The following CHFR variants were observed in gnomAD, a reference collection of about 807,000 sequenced individuals.
The protein encoded by CHFR is checkpoint with forkhead and ring finger domains.
Under a neutral mutation model 87.6 loss-of-function variants are expected in CHFR, and 57 were observed. The observed-to-expected ratio is 0.65, with a 90% CI of 0.53 to 0.81. The LOEUF is 0.81. Ranked by LOEUF, CHFR falls within the 30% of genes least tolerant of loss-of-function variation. CHFR has a pLI of 0.00. For synonymous variants in CHFR, 381 were observed against 359.2 expected, an observed-to-expected ratio of 1.06 and a Z score of -0.69; for missense variants, 797 against 865.8, an observed-to-expected ratio of 0.92 and a Z score of 1.00.
Position 132,887,595 on chromosome 12 carries a change from A to G in CHFR, c.-61T>C, listed in dbSNP as rs1468914426. ...ACCGGCTGCGCCGCCGCCGCTGTCA[A>G]GAGACATTGCGGCTCCCTCAGCTGA... On this transcript the variant is annotated 5_prime_UTR_variant, in exon 1 of 18. Coordinates refer to ENST00000450056, the MANE Select transcript of CHFR (RefSeq NM_001161346.2). The G allele has an allele frequency of 3.3e-5, 5 of 152,870 alleles. No individual in the cohort carries two copies. Among genetic ancestry groups the G allele is most frequent in the African/African-American group, 9.7e-5 (4 of 41,426 alleles). 9.5% of individuals were successfully genotyped at this position (152,870 alleles called of 1,614,324 possible).
intron 12 of CHFR, among the ~76,000 whole-genome samples, chr12:132,850,860 A>T (rs950178373): frequency 4.6e-5 from 7 of 151,718 alleles, no homozygotes; most frequent in South Asian, 2.1e-4. Context: ...AGGAAGTCAT[A>T]AAAAAAAGGC....
chr12:132,880,146 T>C (rs1301919920), intron 2 of CHFR, among the ~76,000 whole-genome samples: 2 of 152,202 alleles, frequency 1.3e-5, no homozygotes, highest in East Asian at 3.8e-4. Flanking sequence ...CTCATATTAC[T>C]TAACTGACTT....
intron 6 of CHFR, chr12:132,867,289 G>T (rs7304156): frequency 0.83 from 126,719 of 152,162 alleles, 55,121 homozygotes; most frequent in Non-Finnish European, 0.98. Context: ...ACCCGATGCC[G>T]CTCCTTCCCC....
At chr12:132,856,763 G>C in intron 9 of CHFR, 133 bp from the exon 10 acceptor site, 2 of 1,013,630 alleles carry the variant, frequency 2.0e-6, no homozygotes, top group Non-Finnish European at 3.1e-6. Context: ...CACGTGCCCG[G>C]GTGCTGGTGG....
Position 132,862,681 on chromosome 12 carries a change from G to A in CHFR, c.584-1047C>T, listed in dbSNP as rs531499703. On this transcript the variant is annotated intron_variant, in intron 6 of 17. Coordinates refer to ENST00000450056, the MANE Select transcript of CHFR (RefSeq NM_001161346.2). ...TGCAAGCTCCGCCTCCTGGGTTGAC[G>A]CCATTCTCCTGCCTCAGCCTCCCAA... Among the ~76,000 whole-genome samples the A allele has an allele frequency of 3.3e-5, 5 of 151,904 alleles. No individual in the cohort carries two copies. The South Asian group carries it at 6.2e-4, about 19-fold the overall frequency.
At chr12:132,857,065 GGGACCA>G in intron 9 of CHFR, among the ~76,000 whole-genome samples, 3 of 123,998 alleles carry the variant, frequency 2.4e-5, no homozygotes, top group African/African-American at 9.6e-5. Context: ...TGCTGGTGGA[GGGACCA>G]CCCTCACGTG....
Position 132,873,368 on chromosome 12 carries a change from C to T in CHFR, c.234-974G>A, listed in dbSNP as rs534336743. Among the ~76,000 whole-genome samples the T allele has an allele frequency of 3.9e-5, 6 of 152,348 alleles. No individual in the cohort carries two copies. The South Asian group carries it at 8.3e-4, about 21-fold the overall frequency. ...CACAGCCGTCTCCCCGTAAAACCTC[C>T]GAAACCAGGCAGTGGCTGTGTGTGT... On this transcript the variant is annotated intron_variant, in intron 3 of 17. Transcript: ENST00000450056.
intron 6 of CHFR, 29 bp downstream of exon 6, chr12:132,869,590 C>T (rs775693581): frequency 9.1e-6 from 14 of 1,545,378 alleles, no homozygotes; most frequent in Non-Finnish European, 1.1e-5. Flanking sequence ...ATGCAACCAG[C>T]ACCAAGACCT....
rs1951508728 is a variant in CHFR, at chr12:132,872,280, C to T, written c.343+5G>A. On this transcript the variant is annotated splice_donor_5th_base_variant and intron_variant, in intron 4 of 17. Transcript: ENST00000450056. ...CTGACCCCGGCAAGCCTTCCTCTCT[C>T]TTACTGTGTTCCGGTTCATTCTTCC... 7 of 1,597,842 alleles carry T rather than the reference C, an allele frequency of 4.4e-6. No individual in the cohort carries two copies. The highest frequency in any genetic ancestry group is 5.1e-6 in the Non-Finnish European group (6 of 1,165,210).
At chr12:132,880,834 G>A (rs146950693) in intron 2 of CHFR, among the ~76,000 whole-genome samples, 1,768 of 151,674 alleles carry the variant, frequency 0.012, 37 homozygotes, top group African/African-American at 0.041. Flanking sequence ...GCATGGTGGC[G>A]GGCGCCTATA....
rs547902011 is a variant in CHFR, at chr12:132,869,809, A to G, written c.404-11T>C. On this transcript the variant is annotated splice_polypyrimidine_tract_variant and intron_variant, in intron 5 of 17. Transcript: ENST00000450056. The stretch of plus-strand genomic sequence containing the variant: ...CTGCACCTGAGGTATCTTTGGTCCC[A>G]TGGAACACATTTTCCTTGTTAGCTT... 1.3e-5 allele frequency: 20 copies of G among 1,551,338 alleles called. No homozygotes were observed. In the Middle Eastern group the frequency reaches 5.0e-4, roughly 39 times the overall value.
At chr12:132,851,780 G>A in intron 11 of CHFR, 43 bp from the exon 12 acceptor site, 2 of 1,583,672 alleles carry the variant, frequency 1.3e-6, no homozygotes, top group Non-Finnish European at 1.7e-6. Context: ...GGGACCCAGG[G>A]CAGAAAGACA....
At chr12:132,872,168 G>A (rs1441070090) in intron 4 of CHFR, 117 bp downstream of exon 4, 9 of 690,148 alleles carry the variant, frequency 1.3e-5, no homozygotes, top group Non-Finnish European at 2.4e-5. Flanking sequence ...AAGAAATGGG[G>A]TGTAGCCAGG....
chr12:132,868,141 T>C (rs1010852068), intron 6 of CHFR, among the ~76,000 whole-genome samples: 7 of 152,114 alleles, frequency 4.6e-5, no homozygotes, highest in African/African-American at 7.2e-5. Context: ...TCTGCAAAAC[T>C]AGTTTTAAAT....
intron 3 of CHFR, among the ~76,000 whole-genome samples, chr12:132,875,744 T>C (rs1192493737): frequency 6.6e-6 from 1 of 152,146 alleles, no homozygotes; most frequent in African/African-American, 2.4e-5. Flanking sequence ...CACTGCAGTG[T>C]TATTTATAGT....
intron 13 of CHFR, chr12:132,848,359 A>C (rs1950870779): frequency 1.0e-6 from 1 of 966,678 alleles, no homozygotes; most frequent in African/African-American, 1.6e-5. Context: ...CAGCTCTCCG[A>C]GTCTCCCCAG....
intron 2 of CHFR, among the ~76,000 whole-genome samples, chr12:132,878,819 CA>C (rs1428247842): frequency 8.7e-4 from 51 of 58,858 alleles, no homozygotes; most frequent in African/African-American, 1.2e-3. Context: ...GACTCTGTCT[CA>C]AAAAAAAAAA....
Position 132,847,051 on chromosome 12 carries a change from AG to A in CHFR, c.1726del (p.Leu576CysfsTer25), listed in dbSNP as rs1428595949. Reference sequence around the variant, plus strand: ...GCAACAGAAGAACTCACCAGACAGCAGAAACACTCCCCGCTGGAGAGCCACG... The same window carrying A: ...GCAACAGAAGAACTCACCAGACAGCAAAACACTCCCCGCTGGAGAGCCACG... Reference protein sequence around the residue: ...SLVALQRGVFLLSDYRVTGDT... With the variant: ...SLVALQRGVFXLSDYRVTGDT... On this transcript the variant is annotated frameshift_variant, in exon 15 of 18. Coordinates refer to ENST00000450056, the MANE Select transcript of CHFR (RefSeq NM_001161346.2). LOFTEE classifies it high-confidence loss of function. 6.2e-7 allele frequency: 1 copy of A among 1,612,688 alleles called. No homozygotes were observed.
chr12:132,838,251 CATT>C lies in CHFR; in HGVS notation c.*3300_*3302del, dbSNP rs1012889898. ...ACTCCCATCCTGCTGGCCCTGAGGT[CATT>C]AAGATGACTTAAAGCAGATTTAAAA... On this transcript the variant is annotated 3_prime_UTR_variant, in exon 18 of 18. Transcript: ENST00000450056. 4 of 152,440 alleles carry C rather than the reference CATT, an allele frequency of 2.6e-5. No individual in the cohort carries two copies. The highest frequency in any genetic ancestry group is 9.6e-5 in the African/African-American group (4 of 41,472). The allele number at this position is 152,440 out of a possible 1,614,324, so 9.4% of individuals were successfully genotyped here.
Sources: allele counts gnomAD v4.1 joint callset (sites outside exome capture counted in the v4.1 genomes callset), GRCh38; gene constraint gnomAD v4.1.1; transcripts MANE v1.5; gene names NCBI Gene and HGNC (gene_info 2026-07-23, HGNC 2026-07-21).